CNNM4: variants seen among roughly 807,000 people sequenced by gnomAD.
CNNM4 encodes cyclin and CBS domain divalent metal cation transport mediator 4, also known as metal transporter CNNM4.
A neutral mutation model predicts 53.7 loss-of-function variants in CNNM4; 32 were observed. That is an observed-to-expected ratio of 0.60 (90% CI 0.45 to 0.80). The LOEUF is 0.80. CNNM4 is among the 30% of genes least tolerant of loss of function. The pLI is 0.00. For synonymous variants in CNNM4, 410 were observed against 440.0 expected, an observed-to-expected ratio of 0.93 and a Z score of 0.85; for missense variants, 784 against 1,022.0, an observed-to-expected ratio of 0.77 and a Z score of 3.17.
chr2:96,765,249 C>T (rs570116214), intron 1 of CNNM4, among the ~76,000 whole-genome samples: 2 of 150,918 alleles, frequency 1.3e-5, no homozygotes, highest in African/African-American at 4.9e-5. Flanking sequence ...GCCTCAGCCT[C>T]CTGAGTAGCT....
rs779660180 is a variant in CNNM4, at chr2:96,797,212, G to A, written c.1546+57G>A. Reference sequence around the variant, plus strand: ...CCTTTCCTGCTTGGATCGAAACTTGGTGTCCCTAGCTGGAAGGGCCATAGT... The same window carrying A: ...CCTTTCCTGCTTGGATCGAAACTTGATGTCCCTAGCTGGAAGGGCCATAGT... On this transcript the variant is annotated intron_variant, in intron 2 of 6. Transcript: ENST00000377075. The surrounding 1 kb of genome is among the most constrained non-coding windows in gnomAD (Gnocchi z 6.0). 4.5e-5 allele frequency: 73 copies of A among 1,609,944 alleles called. No homozygotes were observed. The highest frequency in any genetic ancestry group is 5.6e-5 in the Non-Finnish European group (66 of 1,177,874).
At chr2:96,792,096 A>G (rs995164632) in intron 1 of CNNM4, among the ~76,000 whole-genome samples, 2 of 151,928 alleles carry the variant, frequency 1.3e-5, no homozygotes, top group African/African-American at 4.8e-5. Context: ...TCTACTAAAA[A>G]TACAAAAAAT....
intron 1 of CNNM4, among the ~76,000 whole-genome samples, chr2:96,786,223 C>T (rs1472750887): frequency 2.6e-5 from 4 of 151,876 alleles, no homozygotes; most frequent in East Asian, 3.9e-4. Context: ...TTGAAACCAG[C>T]GTGGCCAACA....
chr2:96,773,404 G>T (rs1381999549), intron 1 of CNNM4, among the ~76,000 whole-genome samples: 1 of 152,128 alleles, frequency 6.6e-6, no homozygotes, highest in Non-Finnish European at 1.5e-5. Context: ...ATCCAAAGGT[G>T]CCCCAGTTGA....
intron 4 of CNNM4, 106 bp from the exon 5 acceptor site, chr2:96,799,446 G>C: frequency 1.7e-6 from 2 of 1,166,248 alleles, no homozygotes; most frequent in Non-Finnish European, 2.5e-6. Context: ...CTCCAGTACC[G>C]GCCCTTCCTC....
In CNNM4 at chr2:96,760,926, G is replaced by T; in HGVS notation, c.-74G>T. ...CAGTTGGCTCGGCGGCAGCGGAGCG[G>T]CCGGAGCTGCGGTGCGGACCGGGGC... On this transcript the variant is annotated 5_prime_UTR_variant, in exon 1 of 7. Coordinates refer to ENST00000377075, the MANE Select transcript of CNNM4 (RefSeq NM_020184.4). 1.2e-6 allele frequency: 1 copy of T among 835,866 alleles called. No homozygotes were observed. Among genetic ancestry groups the T allele is most frequent in the Non-Finnish European group, 1.4e-6 (1 of 693,008 alleles). The allele number at this position is 835,866 out of a possible 1,614,324, so 51.8% of individuals were successfully genotyped here. A position where few individuals can be genotyped will look rare whatever the true frequency, so the allele number is the denominator to read the frequency against.
chr2:96,811,852 A>G lies in CNNM4; in HGVS notation c.*2335A>G. On this transcript the variant is annotated 3_prime_UTR_variant, in exon 7 of 7. Coordinates refer to ENST00000377075, the MANE Select transcript of CNNM4 (RefSeq NM_020184.4). ...ATATGGAATTTATTTTTGATTGGTA[A>G]TAAAAAATCAAATATGTATAAATCC... 1 of 152,588 alleles carries G rather than the reference A, an allele frequency of 6.6e-6. No homozygotes were observed. Among genetic ancestry groups the G allele is most frequent in the East Asian group, 1.9e-4 (1 of 5,202 alleles). 9.5% of individuals were successfully genotyped at this position (152,588 alleles called of 1,614,324 possible).
At chr2:96,796,131 C>CTTT (rs796494842) in intron 1 of CNNM4, among the ~76,000 whole-genome samples, 775 of 50,718 alleles carry the variant, frequency 0.015, 111 homozygotes, top group Middle Eastern at 0.037. Context: ...CAGACAGGGT[C>CTTT]TTTTTTTTTT....
intron 1 of CNNM4, among the ~76,000 whole-genome samples, chr2:96,762,989 T>A (rs1445643219): frequency 6.6e-6 from 1 of 152,014 alleles, no homozygotes; most frequent in Non-Finnish European, 1.5e-5. Flanking sequence ...GACGCTAAGT[T>A]TGCTCCCAGC....
intron 6 of CNNM4, chr2:96,809,107 G>T: frequency 2.8e-6 from 3 of 1,064,714 alleles, no homozygotes; most frequent in Non-Finnish European, 2.7e-6. Context: ...CTCCTGAAGT[G>T]CTGGGATTAC....
chr2:96,797,477 G>C lies in CNNM4; in HGVS notation c.1547-36G>C, dbSNP rs1173718353. 1 of 1,611,898 alleles carries C rather than the reference G, an allele frequency of 6.2e-7. No individual in the cohort carries two copies. Among genetic ancestry groups the C allele is most frequent in the African/African-American group, 1.3e-5 (1 of 75,066 alleles). On this transcript the variant is annotated intron_variant, in intron 2 of 6. Transcript: ENST00000377075. This position sits in a 1 kb window ranked among gnomAD's most constrained non-coding sequence, Gnocchi z 6.0. Reference sequence around the variant, plus strand: ...CCAGTCTCTTCCTAAGTCCTCAGGGGTCTGTGTTCTCAATTCCACGCTCTT... The same window carrying C: ...CCAGTCTCTTCCTAAGTCCTCAGGGCTCTGTGTTCTCAATTCCACGCTCTT...
Position 96,761,042 on chromosome 2 carries a change from GC to G in CNNM4, c.46del (p.Arg16AlafsTer34), listed in dbSNP as rs1207029088. 1.6e-6 allele frequency: 2 copies of G among 1,228,688 alleles called. No homozygotes were observed. The highest frequency in any genetic ancestry group is 2.0e-6 in the Non-Finnish European group (2 of 982,302). 76.1% of individuals were successfully genotyped at this position (1,228,688 alleles called of 1,614,324 possible). A position where few individuals can be genotyped will look rare whatever the true frequency, so the allele number is the denominator to read the frequency against. On this transcript the variant is annotated frameshift_variant, in exon 1 of 7. Coordinates refer to ENST00000377075, the MANE Select transcript of CNNM4 (RefSeq NM_020184.4). LOFTEE classifies it high-confidence loss of function. This position sits in a 1 kb window ranked among gnomAD's most constrained non-coding sequence, Gnocchi z 6.0. Reference sequence around the variant, plus strand: ...GGGCGGGCGCCCGGTCGGCGGACCGGCCCGCGGGCGCCTCCTCCTGGCGGCG... The same window carrying G: ...GGGCGGGCGCCCGGTCGGCGGACCGGCCGCGGGCGCCTCCTCCTGGCGGCG... The part of the protein sequence containing the change: ...GGGGRPVGGP[A>X]RGRLLLAAPV...
chr2:96,809,675 AG>A lies in CNNM4; in HGVS notation c.*161del. 1.5e-6 allele frequency: 1 copy of A among 680,818 alleles called. No homozygotes were observed. Among genetic ancestry groups the A allele is most frequent in the South Asian group, 1.9e-5 (1 of 53,284 alleles). 42.2% of individuals were successfully genotyped at this position (680,818 alleles called of 1,614,324 possible). A position where few individuals can be genotyped will look rare whatever the true frequency, so the allele number is the denominator to read the frequency against. The stretch of plus-strand genomic sequence containing the variant: ...GCCTATGGGGGATCTGGCCTCTGCC[AG>A]GGACCTCTGAGTAGCTCTGAGGTGG... On this transcript the variant is annotated 3_prime_UTR_variant, in exon 7 of 7. Coordinates refer to ENST00000377075, the MANE Select transcript of CNNM4 (RefSeq NM_020184.4).
intron 1 of CNNM4, among the ~76,000 whole-genome samples, chr2:96,796,131 CTTTTTTTTT>C (rs796494842): frequency 7.9e-5 from 4 of 50,684 alleles, no homozygotes; most frequent in Non-Finnish European, 1.5e-4. Flanking sequence ...CAGACAGGGT[CTTTTTTTTT>C]TTTTTTTTTT....
At chr2:96,771,605 T>C (rs2078870373) in intron 1 of CNNM4, among the ~76,000 whole-genome samples, 1 of 151,720 alleles carries the variant, frequency 6.6e-6, no homozygotes, top group African/African-American at 2.4e-5. Flanking sequence ...TCCCAACTAC[T>C]TGGGAGGCTG....
At chr2:96,806,535 A>ACACACACACACACACACACGCG (rs374638753) in intron 5 of CNNM4, among the ~76,000 whole-genome samples, 7 of 123,944 alleles carry the variant, frequency 5.6e-5, no homozygotes, top group African/African-American at 2.0e-4. Context: ...ACACACACAC[A>ACACACACACACACACACACGCG]CGCGCGCGCG....
chr2:96,806,560 G>C (rs187026507), intron 5 of CNNM4, among the ~76,000 whole-genome samples: 1 of 145,960 alleles, frequency 6.9e-6, no homozygotes, highest in Non-Finnish European at 1.5e-5. Flanking sequence ...CGCGCCCTTA[G>C]TTAAAAATTG....
intron 4 of CNNM4, 144 bp downstream of exon 4, chr2:96,799,370 C>T (rs1432237198): frequency 6.1e-5 from 76 of 1,248,808 alleles, no homozygotes; most frequent in Non-Finnish European, 8.3e-5. Flanking sequence ...GCCTGCCCCA[C>T]GTGGCCATCC....
chr2:96,780,419 C>CTTTTTTTTTT (rs796619515), intron 1 of CNNM4, among the ~76,000 whole-genome samples: 1 of 139,924 alleles, frequency 7.1e-6, no homozygotes. Flanking sequence ...CTTGCTCTCC[C>CTTTTTTTTTT]TTTTTTTTTT....
Sources: allele counts gnomAD v4.1 joint callset (sites outside exome capture counted in the v4.1 genomes callset), GRCh38; gene constraint gnomAD v4.1.1; non-coding constraint Gnocchi (gnomAD v3.1); transcripts MANE v1.5; gene names NCBI Gene and HGNC (gene_info 2026-07-23, HGNC 2026-07-21).